Variants in GIT1 observed in about 807,000 individuals in gnomAD.
The protein encoded by GIT1 is ARF GTPase-activating protein GIT1.
In GIT1, 14 loss-of-function variants were observed where a neutral mutation model predicts 91.7. The observed-to-expected ratio is 0.15, with a 90% confidence interval of 0.10 to 0.24. The LOEUF is 0.24. Among genes scored for constraint, GIT1 ranks in the 10% least tolerant of loss-of-function variants. GIT1 has a pLI of 1.00. For synonymous variants in GIT1, 414 were observed against 418.2 expected, an observed-to-expected ratio of 0.99 and a Z score of 0.12; for missense variants, 717 against 1,024.9, an observed-to-expected ratio of 0.70 and a Z score of 4.10.
rs543011961 is a variant in GIT1, at chr17:29,577,624, C to T, written c.981+21G>A. 41 of 1,500,038 alleles carry T rather than the reference C, an allele frequency of 2.7e-5. 1 individual carries two copies. The African/African-American group carries it at 4.4e-4, about 16-fold the overall frequency. The allele number at this position is 1,500,038 out of a possible 1,614,324, so 92.9% of individuals were successfully genotyped here. A position where few individuals can be genotyped will look rare whatever the true frequency, so the allele number is the denominator to read the frequency against. On this transcript the variant is annotated intron_variant, in intron 10 of 19. Coordinates refer to ENST00000225394, the MANE Select transcript of GIT1 (RefSeq NM_014030.4). ...CGGGGATGAAGTAGACCACCCCAGG[C>T]CCCCAATCCAGCCCCCTCACCTGAT...
rs368762847 is a variant in GIT1, at chr17:29,586,966, C to T, written c.52+2361G>A. On this transcript the variant is annotated intron_variant, in intron 1 of 19. Coordinates refer to ENST00000225394, the MANE Select transcript of GIT1 (RefSeq NM_014030.4). ...CACACTTGTCCTGTGTGCCCATGCC[C>T]GGGAGCAGAGGGAGGATGGGGCTCT... 3.9e-5 allele frequency among the ~76,000 whole-genome samples: 6 copies of T among 152,290 alleles called. No homozygotes were observed. In the East Asian group the frequency reaches 7.7e-4, roughly 20 times the overall value.
intron 7 of GIT1, 134 bp from the exon 8 acceptor site, chr17:29,578,913 C>T: frequency 2.5e-6 from 4 of 1,602,574 alleles, no homozygotes; most frequent in South Asian, 2.2e-5. Flanking sequence ...CAAATGCCTC[C>T]CCGCCCTACC....
intron 7 of GIT1, among the ~76,000 whole-genome samples, chr17:29,580,842 G>A (rs969404837): frequency 7.3e-5 from 11 of 151,450 alleles, no homozygotes; most frequent in East Asian, 5.8e-4. Context: ...GTGCAATGGC[G>A]TGCTCTCGGC....
intron 1 of GIT1, among the ~76,000 whole-genome samples, chr17:29,585,950 G>A (rs60404286): frequency 1.4e-3 from 206 of 152,262 alleles, no homozygotes; most frequent in East Asian, 6.8e-3. Context: ...CCTCTACTAC[G>A]GTGAATTCCT....
intron 15 of GIT1, 77 bp downstream of exon 15, chr17:29,576,001 G>A (rs888604502): frequency 1.7e-5 from 26 of 1,561,548 alleles, no homozygotes; most frequent in South Asian, 3.3e-5. Context: ...CTTAAGCCCC[G>A]AATTCAGCAC....
rs1186814168 is a variant in GIT1, at chr17:29,575,709, G to A, written c.1753-6C>T. Reference sequence around the variant, plus strand: ...CCGTGGCGGGAAAGCTTGCTCTGGAGGGCGGAGGGAAGGGGCTGTGAGCGC... The same window carrying A: ...CCGTGGCGGGAAAGCTTGCTCTGGAAGGCGGAGGGAAGGGGCTGTGAGCGC... On this transcript the variant is annotated splice_region_variant and splice_polypyrimidine_tract_variant and intron_variant, in intron 16 of 19. Transcript: ENST00000225394. The surrounding 1 kb of genome is among the most constrained non-coding windows in gnomAD (Gnocchi z 5.5). The A allele has an allele frequency of 1.2e-6, 2 of 1,612,452 alleles. No individual in the cohort carries two copies. Among genetic ancestry groups the A allele is most frequent in the Non-Finnish European group, 8.5e-7 (1 of 1,179,920 alleles).
In GIT1 at chr17:29,583,026, C is replaced by T. The variant is rs773148106; in HGVS notation, c.198G>A (p.Thr66=). 6.8e-6 allele frequency: 11 copies of T among 1,606,036 alleles called. No individual in the cohort carries two copies. Among genetic ancestry groups the T allele is most frequent in the East Asian group, 2.2e-5 (1 of 44,852 alleles). The change falls in exon 3 of 20, where the codon ACG becomes ACA. Residue 66 remains threonine (T), a synonymous_variant. Coordinates refer to ENST00000225394, the MANE Select transcript of GIT1 (RefSeq NM_014030.4). Reference sequence around the variant, plus strand: ...TGGAGTTGGCCCCGTTGCTGGCAAGCGTGTGCACCATCTGCAGGGAAGAGA... The same window carrying T: ...TGGAGTTGGCCCCGTTGCTGGCAAGTGTGTGCACCATCTGCAGGGAAGAGA... ...WPPTLLQMVH[T]LASNGANSIW... is the part of the protein sequence containing the mutation.
At position 29,575,243 on chromosome 17, in the gene GIT1, G is replaced by A. The variant is rs1419533811; in HGVS notation, c.2009+45C>T. The stretch of plus-strand genomic sequence containing the variant: ...TCATGCTCTCTGCAACACCCTAGAA[G>A]CCAACAGGAACTGCATCCCCCTCAC... On this transcript the variant is annotated intron_variant, in intron 18 of 19. Coordinates refer to ENST00000225394, the MANE Select transcript of GIT1 (RefSeq NM_014030.4). This position sits in a 1 kb window ranked among gnomAD's most constrained non-coding sequence, Gnocchi z 5.5. 1.3e-6 allele frequency: 2 copies of A among 1,579,228 alleles called. No individual in the cohort carries two copies. Among genetic ancestry groups the A allele is most frequent in the African/African-American group, 1.3e-5 (1 of 74,208 alleles).
intron 7 of GIT1, chr17:29,579,062 G>C (rs1022545782): frequency 2.5e-5 from 34 of 1,357,704 alleles, no homozygotes; most frequent in Non-Finnish European, 3.5e-5. Flanking sequence ...GGCAGCACAC[G>C]CCTTTTCACA....
chr17:29,580,257 G>A (rs2033351510), intron 7 of GIT1, among the ~76,000 whole-genome samples: 1 of 152,154 alleles, frequency 6.6e-6, no homozygotes, highest in Non-Finnish European at 1.5e-5. Flanking sequence ...GCCCATATTT[G>A]GGTGTATTTA....
rs756664190 is a variant in GIT1 at position 29,575,823 on chromosome 17, T to G, written c.1741A>C (p.Ser581Arg). Residue 581 changes from serine to arginine, a missense_variant, in exon 16 of 20, where the codon AGC becomes CGC. Physicochemically the swap from Ser to Arg is moderately radical, Grantham distance 110. Transcript: ENST00000225394. The surrounding 1 kb of genome is among the most constrained non-coding windows in gnomAD (Gnocchi z 5.5). ...SPLLSCSQEG[S>R]RHTSKLSRHG... is the part of the protein sequence containing the mutation. ...CATGGAAACATTACCGTGTGGCGGC[T>G]TCCCTCCTGGGAGCAGGACAGCAGC... 5 of 1,612,704 alleles carry G rather than the reference T, an allele frequency of 3.1e-6. No homozygotes were observed. In the Admixed American group the frequency reaches 8.4e-5, roughly 27 times the overall value.
At chr17:29,584,065 T>C (rs2033499335) in intron 1 of GIT1, among the ~76,000 whole-genome samples, 1 of 152,246 alleles carries the variant, frequency 6.6e-6, no homozygotes, top group South Asian at 2.1e-4. Context: ...AGGTCCTGCC[T>C]CTGGCCTCCT....
At position 29,579,049 on chromosome 17, in the gene GIT1, C is replaced by G. The variant is rs1482011729; in HGVS notation, c.762-270G>C. ...GACAGAGGCGGCAGTTACCCAGGAGCAGGGCAGCACACGCCTTTTCACATC... is the reference window on the plus strand; with the variant it reads ...GACAGAGGCGGCAGTTACCCAGGAGGAGGGCAGCACACGCCTTTTCACATC... On this transcript the variant is annotated intron_variant, in intron 7 of 19. Coordinates refer to ENST00000225394, the MANE Select transcript of GIT1 (RefSeq NM_014030.4). 17 of 1,475,488 alleles carry G rather than the reference C, an allele frequency of 1.2e-5. No homozygotes were observed. In the South Asian group the frequency reaches 1.6e-4, roughly 14 times the overall value. The allele number at this position is 1,475,488 out of a possible 1,614,324, so 91.4% of individuals were successfully genotyped here.
At chr17:29,583,443 G>A in intron 2 of GIT1, 40 bp downstream of exon 2, 2 of 1,601,834 alleles carry the variant, frequency 1.2e-6, no homozygotes, top group South Asian at 2.2e-5. Flanking sequence ...AGCACACTCT[G>A]CCTGAGGGGA....
intron 7 of GIT1, among the ~76,000 whole-genome samples, chr17:29,579,520 A>C (rs2033325592): frequency 6.6e-6 from 1 of 152,128 alleles, no homozygotes; most frequent in Admixed American, 6.5e-5. Context: ...CCAAGGTGGG[A>C]GGTTCGCTTG....
At chr17:29,578,018 G>T (rs536316829) in intron 9 of GIT1, among the ~76,000 whole-genome samples, 59 of 152,358 alleles carry the variant, frequency 3.9e-4, no homozygotes, top group African/African-American at 1.4e-3. Flanking sequence ...AGTGATGCAG[G>T]GGGGTGGAGC....
intron 19 of GIT1, 42 bp from the exon 20 acceptor site, chr17:29,574,956 CA>C: frequency 6.6e-7 from 1 of 1,518,334 alleles, no homozygotes; most frequent in Non-Finnish European, 8.9e-7. Context: ...GACTTTAAGC[CA>C]CCAGCTGAGA....
At chr17:29,588,516 G>A (rs940993387) in intron 1 of GIT1, among the ~76,000 whole-genome samples, 1 of 152,228 alleles carries the variant, frequency 6.6e-6, no homozygotes, top group Non-Finnish European at 1.5e-5. Flanking sequence ...AGCAGGATAC[G>A]GGGAATCTCG....
At chr17:29,576,780 TG>T in intron 12 of GIT1, 82 bp downstream of exon 12, 1 of 1,577,464 alleles carries the variant, frequency 6.3e-7, no homozygotes, top group Admixed American at 1.8e-5. Context: ...CTCAGGCCCC[TG>T]GGCTACAAGA....
Sources: allele counts gnomAD v4.1 joint callset (sites outside exome capture counted in the v4.1 genomes callset), GRCh38; gene constraint gnomAD v4.1.1; non-coding constraint Gnocchi (gnomAD v3.1); transcripts MANE v1.5; gene names NCBI Gene and HGNC (gene_info 2026-07-23, HGNC 2026-07-21).